Variants in CNTN5 observed in about 807,000 individuals in gnomAD.
CNTN5 encodes contactin 5.
In CNTN5, 77 loss-of-function variants were observed where a neutral mutation model predicts 129.1. The ratio of observed to expected loss-of-function variants is 0.60; its 90% confidence interval spans 0.50 to 0.72. CNTN5 has a LOEUF of 0.72. Among genes scored for constraint, CNTN5 ranks in the 30% least tolerant of loss-of-function variants. The pLI is 0.00. For missense variants in CNTN5, 1,478 were observed against 1,328.8 expected, an observed-to-expected ratio of 1.11 and a Z score of -1.75; for synonymous variants, 509 against 465.6, an observed-to-expected ratio of 1.09 and a Z score of -1.20.
chr11:99,509,675 C>A (rs1372380710), intron 2 of CNTN5, among the ~76,000 whole-genome samples: 1 of 150,908 alleles, frequency 6.6e-6, no homozygotes, highest in East Asian at 1.9e-4. Flanking sequence ...CTGAATAGAA[C>A]CTTTTAATGA....
intron 3 of CNTN5, among the ~76,000 whole-genome samples, chr11:99,792,305 A>C: frequency 6.6e-6 from 1 of 152,090 alleles, no homozygotes; most frequent in Middle Eastern, 3.2e-3. Context: ...TTTTAATAGG[A>C]AGGGATGTTG....
At chr11:99,117,619 A>G (rs1162461036) in intron 1 of CNTN5, among the ~76,000 whole-genome samples, 5 of 152,208 alleles carry the variant, frequency 3.3e-5, no homozygotes, top group African/African-American at 1.2e-4. Context: ...ATTCATAGGT[A>G]GAAGCCCTAA....
chr11:99,410,288 A>G (rs997187703), intron 2 of CNTN5, among the ~76,000 whole-genome samples: 4 of 152,228 alleles, frequency 2.6e-5, no homozygotes, highest in African/African-American at 9.6e-5. Flanking sequence ...AATTTATAAA[A>G]TTATAAGAAG....
chr11:100,265,595 C>T (rs1950287268), intron 17 of CNTN5, among the ~76,000 whole-genome samples: 2 of 151,996 alleles, frequency 1.3e-5, no homozygotes, highest in Admixed American at 6.6e-5. Context: ...ACAGTTAATG[C>T]AATTGATAAT....
intron 2 of CNTN5, among the ~76,000 whole-genome samples, chr11:99,332,555 C>G (rs1866043783): frequency 6.6e-6 from 1 of 151,938 alleles, no homozygotes; most frequent in Admixed American, 6.6e-5. Flanking sequence ...TATACATACG[C>G]CTGTTTTATT....
intron 4 of CNTN5, among the ~76,000 whole-genome samples, chr11:99,834,439 T>C (rs1036628500): frequency 3.3e-5 from 5 of 152,148 alleles, no homozygotes; most frequent in Non-Finnish European, 5.9e-5. Flanking sequence ...GGTAGAAAGA[T>C]TGGTTTAGCC....
At chr11:99,901,373 C>T (rs1373955942) in intron 6 of CNTN5, among the ~76,000 whole-genome samples, 2 of 152,112 alleles carry the variant, frequency 1.3e-5, no homozygotes, top group African/African-American at 2.4e-5. Context: ...TCACTGCCAC[C>T]TCTGCCTACT....
chr11:100,216,869 G>T (rs1354674001), intron 15 of CNTN5, among the ~76,000 whole-genome samples: 1 of 152,034 alleles, frequency 6.6e-6, no homozygotes, highest in Non-Finnish European at 1.5e-5. Flanking sequence ...TTACCTATAG[G>T]TTCAAGCAAA....
At chr11:100,134,409 G>C (rs1167012421) in intron 13 of CNTN5, among the ~76,000 whole-genome samples, 2 of 152,042 alleles carry the variant, frequency 1.3e-5, no homozygotes, top group Non-Finnish European at 2.9e-5. Context: ...CTAAACCTCA[G>C]TGTCACAAAT....
intron 9 of CNTN5, among the ~76,000 whole-genome samples, chr11:100,034,432 T>G (rs1941875447): frequency 6.6e-6 from 1 of 152,350 alleles, no homozygotes; most frequent in African/African-American, 2.4e-5. Context: ...CTTAAACATC[T>G]ACTTAGTACA....
rs532704129 is a variant in CNTN5 at position 100,053,309 on chromosome 11, A to G, written c.981-7903A>G. Among the ~76,000 whole-genome samples, 55 of 151,858 alleles carry G rather than the reference A, an allele frequency of 3.6e-4. 1 individual carries two copies. In the South Asian group the frequency reaches 0.011, roughly 30 times the overall value. On this transcript the variant is annotated intron_variant, in intron 9 of 24. Transcript: ENST00000524871. Reference sequence around the variant, plus strand: ...GACAATGGTAAGAAAATAAAAAGGCAAGCTCAGATTGGAAGAAAATATGTG... The same window carrying G: ...GACAATGGTAAGAAAATAAAAAGGCGAGCTCAGATTGGAAGAAAATATGTG...
chr11:100,220,964 C>T (rs895017008), intron 15 of CNTN5, among the ~76,000 whole-genome samples: 6 of 152,196 alleles, frequency 3.9e-5, no homozygotes, highest in African/African-American at 1.2e-4. Context: ...TTCATCATCT[C>T]GCTTAATGAT....
chr11:99,466,977 A>G (rs1294827186), intron 2 of CNTN5, among the ~76,000 whole-genome samples: 1 of 152,170 alleles, frequency 6.6e-6, no homozygotes, highest in Non-Finnish European at 1.5e-5. Context: ...CCTAGAGAAA[A>G]ATGAATGTAT....
chr11:99,982,766 G>A (rs1038848305), intron 8 of CNTN5, among the ~76,000 whole-genome samples: 8 of 152,134 alleles, frequency 5.3e-5, no homozygotes, highest in South Asian at 2.1e-4. Context: ...TCTGCCTCCC[G>A]AGTAGGTGGG....
chr11:99,811,934 T>G (rs921423228), intron 3 of CNTN5, among the ~76,000 whole-genome samples: 1 of 152,102 alleles, frequency 6.6e-6, no homozygotes, highest in African/African-American at 2.4e-5. Context: ...ACTGAGCAAC[T>G]GATGAAAATT....
At chr11:99,390,090 C>A (rs1219989538) in intron 2 of CNTN5, among the ~76,000 whole-genome samples, 1 of 151,624 alleles carries the variant, frequency 6.6e-6, no homozygotes, top group Non-Finnish European at 1.5e-5. Context: ...AATACTTAAA[C>A]AAAACAAAAT....
At position 99,598,314 on chromosome 11, in the gene CNTN5, C is replaced by A. The variant is rs1950194406; in HGVS notation, c.55+42045C>A. 4.1e-5 allele frequency among the ~76,000 whole-genome samples: 2 copies of A among 49,018 alleles called. 1 individual carries two copies. The highest frequency in any genetic ancestry group is 1.9e-4 in the African/African-American group (2 of 10,504). The allele number at this position is 49,018 out of a possible 152,430, so 32.2% of individuals were successfully genotyped here. ...CTTTTCTTTTCTTTTCTTTTCTTTT[C>A]TTTTCTTTTCTGTCCCTCTCTCTCT... On this transcript the variant is annotated intron_variant, in intron 3 of 24. Coordinates refer to ENST00000524871, the MANE Select transcript of CNTN5 (RefSeq NM_014361.4).
chr11:100,190,476 A>G (rs1456351888), intron 13 of CNTN5, among the ~76,000 whole-genome samples: 1 of 152,174 alleles, frequency 6.6e-6, no homozygotes, highest in Non-Finnish European at 1.5e-5. Flanking sequence ...AATTTTTAAC[A>G]ACGCTTTAAT....
intron 13 of CNTN5, among the ~76,000 whole-genome samples, chr11:100,132,450 T>A (rs376108912): frequency 6.6e-6 from 1 of 152,216 alleles, no homozygotes; most frequent in East Asian, 1.9e-4. Context: ...ACTGTAGTAA[T>A]AGTTGAGGAA....
Sources: gnomAD v4.1 joint callset for allele counts (sites outside exome capture counted in the v4.1 genomes callset) on GRCh38, gnomAD v4.1.1 for gene constraint, MANE v1.5 for transcripts, NCBI Gene and HGNC (gene_info 2026-07-23, HGNC 2026-07-21) for gene names.